The following CTNNA2 variants were observed in gnomAD, a reference collection of about 807,000 sequenced individuals.
The protein encoded by CTNNA2 is catenin alpha-2.
A neutral mutation model predicts 101.0 loss-of-function variants in CTNNA2; 42 were observed. The observed-to-expected ratio is 0.42, with a 90% CI of 0.32 to 0.54. The LOEUF (loss-of-function observed/expected upper bound fraction) is 0.54, where lower values mean the gene tolerates loss of function less well. Among genes scored for constraint, CTNNA2 ranks in the 20% least tolerant of loss-of-function variants. The pLI is 0.14. For missense variants in CTNNA2, 871 were observed against 1,223.1 expected (o/e 0.71, Z 4.29); for synonymous variants, 450 against 456.4 (o/e 0.99, Z 0.18).
chr2:80,069,588 C>G (rs1036822287), intron 7 of CTNNA2, among the ~76,000 whole-genome samples: 8 of 152,138 alleles, frequency 5.3e-5, no homozygotes, highest in African/African-American at 1.9e-4. Context: ...TACACCATAA[C>G]TTCAATATTA....
At chr2:79,824,423 C>T (rs962131503) in intron 3 of CTNNA2, among the ~76,000 whole-genome samples, 10 of 152,118 alleles carry the variant, frequency 6.6e-5, no homozygotes, top group Non-Finnish European at 8.8e-5. Flanking sequence ...AAGAGCATCA[C>T]GATCAATCTT....
intron 4 of CTNNA2, among the ~76,000 whole-genome samples, chr2:79,421,113 G>C (rs767159198): frequency 6.6e-6 from 1 of 152,130 alleles, no homozygotes; most frequent in Admixed American, 6.5e-5. Context: ...AAGGAGGGTA[G>C]GTTTCCTCTC....
chr2:79,978,086 G>A (rs1030552449), intron 7 of CTNNA2, among the ~76,000 whole-genome samples: 27 of 152,136 alleles, frequency 1.8e-4, no homozygotes, highest in African/African-American at 6.3e-4. Flanking sequence ...ACTGAAGTTC[G>A]CATAGGGTAA....
intron 3 of CTNNA2, among the ~76,000 whole-genome samples, chr2:79,338,575 A>ATCTTCTTCTTCTTCTTCCTCC: frequency 8.7e-6 from 1 of 115,520 alleles, no homozygotes; most frequent in Admixed American, 9.3e-5. Flanking sequence ...CTTCCTCCTC[A>ATCTTCTTCTTCTTCTTCCTCC]TCATCTTCTT....
chr2:79,543,511 T>G (rs1673546280), intron 1 of CTNNA2, among the ~76,000 whole-genome samples: 1 of 152,132 alleles, frequency 6.6e-6, no homozygotes, highest in Admixed American at 6.5e-5. Context: ...TAGAAATACA[T>G]TTTTGACTCA....
In CTNNA2 at chr2:80,303,232, C is replaced by A. The variant is rs769674263; in HGVS notation, c.1057-89979C>A. On this transcript the variant is annotated intron_variant, in intron 7 of 18. Transcript: ENST00000402739. The surrounding 1 kb of genome is among the most constrained non-coding windows in gnomAD (Gnocchi z 7.7). Reference sequence around the variant, plus strand: ...AAGAGTTGCGCGCCAGACTCTTGAGCTGATTGTATCCGATGTCGAGAAACT... The same window carrying A: ...AAGAGTTGCGCGCCAGACTCTTGAGATGATTGTATCCGATGTCGAGAAACT... 3.1e-6 allele frequency: 5 copies of A among 1,613,634 alleles called. No homozygotes were observed. The Admixed American group carries it at 8.3e-5, about 27-fold the overall frequency.
At chr2:79,264,733 AT>A (rs5832376) in intron 2 of CTNNA2, among the ~76,000 whole-genome samples, 88,801 of 149,800 alleles carry the variant, frequency 0.59, 26,264 homozygotes, top group Non-Finnish European at 0.61. Flanking sequence ...GCTGCAACCT[AT>A]TTTTTTTTTT....
chr2:80,591,457 G>GTTTTTTTTTTTTTGT (rs1696490452), intron 15 of CTNNA2, among the ~76,000 whole-genome samples: 1 of 70,312 alleles, frequency 1.4e-5, no homozygotes, highest in East Asian at 5.2e-4. Context: ...TGCACAGCCT[G>GTTTTTTTTTTTTTGT]TTTTTTTTTT....
Position 79,530,838 on chromosome 2 carries a change from G to T in CTNNA2, c.-6+17631G>T, listed in dbSNP as rs1372628180. Among the ~76,000 whole-genome samples, 3 of 150,770 alleles carry T rather than the reference G, an allele frequency of 2.0e-5. No homozygotes were observed. In the East Asian group the frequency reaches 5.8e-4, roughly 29 times the overall value. On this transcript the variant is annotated intron_variant, in intron 1 of 18. Coordinates refer to ENST00000402739, the MANE Select transcript of CTNNA2 (RefSeq NM_001282597.3). Reference sequence around the variant, plus strand: ...ATAAAGAGAAGGTTCAGTTTAGTGTGCTTTGTTTTAAGTGGAGCAGTTTGA... The same window carrying T: ...ATAAAGAGAAGGTTCAGTTTAGTGTTCTTTGTTTTAAGTGGAGCAGTTTGA...
intron 1 of CTNNA2, among the ~76,000 whole-genome samples, chr2:79,585,187 T>C (rs1676402756): frequency 1.3e-5 from 2 of 152,018 alleles, no homozygotes; most frequent in Non-Finnish European, 2.9e-5. Context: ...ATAAAATTTT[T>C]CTTTTCTGTA....
chr2:80,319,350 GTTGTTCAACAAAACGAGACTGGCATAT>G (rs1678456697), intron 7 of CTNNA2, among the ~76,000 whole-genome samples: 1 of 152,072 alleles, frequency 6.6e-6, no homozygotes, highest in Non-Finnish European at 1.5e-5. Context: ...CAATTAAATA[GTTGTTCAACAAAACGAGACTGGCATAT>G]TGCCAAACTG....
At chr2:80,323,494 T>C (rs1274897682) in intron 7 of CTNNA2, among the ~76,000 whole-genome samples, 1 of 152,148 alleles carries the variant, frequency 6.6e-6, no homozygotes, top group Admixed American at 6.5e-5. Context: ...TAAGCATCTG[T>C]TGTGTGTCAG....
At chr2:79,870,754 G>T (rs978800279) in intron 5 of CTNNA2, among the ~76,000 whole-genome samples, 2 of 152,066 alleles carry the variant, frequency 1.3e-5, no homozygotes, top group African/African-American at 4.8e-5. Context: ...GCAAGAGCAG[G>T]GAAAACTGCC....
At chr2:80,231,662 A>G (rs1419428267) in intron 7 of CTNNA2, among the ~76,000 whole-genome samples, 2 of 152,186 alleles carry the variant, frequency 1.3e-5, no homozygotes, top group African/African-American at 4.8e-5. Context: ...AAGAATGACA[A>G]AAGAGGCTCT....
chr2:79,510,120 T>C (rs1252033808), upstream of CTNNA2, among the ~76,000 whole-genome samples: 1 of 152,214 alleles, frequency 6.6e-6, no homozygotes, highest in Non-Finnish European at 1.5e-5. Context: ...TTAAATTGTA[T>C]TATAATTACA....
chr2:80,521,296 A>G (rs763307103), intron 9 of CTNNA2, among the ~76,000 whole-genome samples: 1 of 152,190 alleles, frequency 6.6e-6, no homozygotes, highest in South Asian at 2.1e-4. Flanking sequence ...CCAAAGCCCC[A>G]TACAGGGAAG....
At chr2:80,438,165 C>T (rs964271662) in intron 9 of CTNNA2, among the ~76,000 whole-genome samples, 39 of 152,310 alleles carry the variant, frequency 2.6e-4, no homozygotes, top group African/African-American at 7.2e-4. Flanking sequence ...TGCCATCTCA[C>T]GGCGCCCTCG....
At chr2:79,678,993 G>A (rs894576319) in intron 2 of CTNNA2, among the ~76,000 whole-genome samples, 1 of 152,138 alleles carries the variant, frequency 6.6e-6, no homozygotes, top group African/African-American at 2.4e-5. Context: ...GTTCAGATTT[G>A]TGGGGTTTTT....
chr2:80,393,086 T>C, intron 7 of CTNNA2, 125 bp from the exon 8 acceptor site: 1 of 658,678 alleles, frequency 1.5e-6, no homozygotes, highest in South Asian at 2.3e-5. Flanking sequence ...TAGTTATGTA[T>C]TGAAAATAAT....
Sources: allele counts gnomAD v4.1 joint callset (sites outside exome capture counted in the v4.1 genomes callset), GRCh38; gene constraint gnomAD v4.1.1; non-coding constraint Gnocchi (gnomAD v3.1); transcripts MANE v1.5; gene names NCBI Gene and HGNC (gene_info 2026-07-23, HGNC 2026-07-21).